ATXN8OS: variants seen among roughly 807,000 people sequenced by gnomAD.
The protein encoded by ATXN8OS is ATXN8 opposite strand lncRNA, also known as ATXN8 opposite strand (non-protein coding).
At chr13:70,122,442 C>A (rs947946122) in intron 2 of ATXN8OS, among the ~76,000 whole-genome samples, 2 of 151,870 alleles carry the variant, frequency 1.3e-5, no homozygotes, top group African/African-American at 4.8e-5. Context: ...CTTATAAATC[C>A]TTGAAAATTA....
At chr13:70,131,434 C>A (rs1447002301) in intron 3 of ATXN8OS, 2 of 398,410 alleles carry the variant, frequency 5.0e-6, no homozygotes, top group Non-Finnish European at 8.8e-6. Context: ...AGGTCTCTAA[C>A]AGGGCCAGCA....
At chr13:70,164,969 A>G in intron 4 of ATXN8OS, among the ~76,000 whole-genome samples, 1 of 152,060 alleles carries the variant, frequency 6.6e-6, no homozygotes, top group East Asian at 1.9e-4. Context: ...AAATCAGAAA[A>G]GTGACACTCT....
intron 4 of ATXN8OS, among the ~76,000 whole-genome samples, chr13:70,160,878 C>T (rs948914671): frequency 8.3e-5 from 12 of 145,268 alleles, no homozygotes; most frequent in African/African-American, 3.0e-4. Context: ...TCAAAATATA[C>T]CTATTTAAGT....
At chr13:70,108,607 G>A (rs1173533465) in intron 1 of ATXN8OS, 1 of 152,174 alleles carries the variant, frequency 6.6e-6, no homozygotes, top group Non-Finnish European at 1.5e-5. Context: ...CCCCTTGCGT[G>A]GGTCTTGTCA....
intron 2 of ATXN8OS, among the ~76,000 whole-genome samples, chr13:70,121,131 G>T (rs938148987): frequency 6.6e-6 from 1 of 151,610 alleles, no homozygotes; most frequent in African/African-American, 2.4e-5. Flanking sequence ...CTAAAGGAGA[G>T]AAAAGATAAA....
chr13:70,127,049 CTCTG>C (rs1566597691), intron 2 of ATXN8OS, among the ~76,000 whole-genome samples: 3 of 151,834 alleles, frequency 2.0e-5, no homozygotes, highest in African/African-American at 7.2e-5. Flanking sequence ...CACTCTATCT[CTCTG>C]TCTCTTTCTC....
intron 3 of ATXN8OS, among the ~76,000 whole-genome samples, chr13:70,134,900 G>A (rs1480789700): frequency 4.6e-5 from 7 of 152,162 alleles, no homozygotes; most frequent in Non-Finnish European, 7.3e-5. Flanking sequence ...CACACCTTGA[G>A]TCTGAAACGG....
intron 4 of ATXN8OS, among the ~76,000 whole-genome samples, chr13:70,161,864 A>AT (rs2137505243): frequency 6.6e-6 from 1 of 152,214 alleles, no homozygotes; most frequent in South Asian, 2.1e-4. Flanking sequence ...ATTGACATCA[A>AT]TTTTTACAAA....
chr13:70,132,232 G>T (rs1276010921), intron 3 of ATXN8OS, among the ~76,000 whole-genome samples: 4 of 151,830 alleles, frequency 2.6e-5, no homozygotes, highest in Non-Finnish European at 5.9e-5. Context: ...GTCCTTCAGT[G>T]GGGGGACTAA....
chr13:70,162,805 T>C (rs752462077), intron 4 of ATXN8OS, among the ~76,000 whole-genome samples: 13 of 152,168 alleles, frequency 8.5e-5, no homozygotes, highest in Non-Finnish European at 1.6e-4. Flanking sequence ...TTATTGTTTC[T>C]CTTCCATGAA....
rs546828084 is a variant in ATXN8OS, at chr13:70,156,235, G to T, written n.573+8807G>T. Reference sequence around the variant, plus strand: ...CTTGAGTGAGCACAGGTGGGTATGGGTGGGTATGAGTGTGTGTGTGTGTGT... The same window carrying T: ...CTTGAGTGAGCACAGGTGGGTATGGTTGGGTATGAGTGTGTGTGTGTGTGT... On this transcript the variant is annotated intron_variant and non_coding_transcript_variant, in intron 4 of 4. Coordinates refer to ENST00000678624, the Ensembl canonical transcript of ATXN8OS. 2.6e-4 allele frequency among the ~76,000 whole-genome samples: 34 copies of T among 128,880 alleles called. No individual in the cohort carries two copies. In the East Asian group the frequency reaches 4.4e-3, roughly 17 times the overall value. The allele number at this position is 128,880 out of a possible 152,430, so 84.6% of individuals were successfully genotyped here. A position where few individuals can be genotyped will look rare whatever the true frequency, so the allele number is the denominator to read the frequency against.
chr13:70,162,390 A>C (rs190253733), intron 4 of ATXN8OS, among the ~76,000 whole-genome samples: 91 of 152,264 alleles, frequency 6.0e-4, no homozygotes, highest in African/African-American at 2.1e-3. Flanking sequence ...GGATACAGGC[A>C]GCCTGAACCA....
At chr13:70,165,585 G>C (rs2059366415) in intron 4 of ATXN8OS, among the ~76,000 whole-genome samples, 1 of 151,906 alleles carries the variant, frequency 6.6e-6, no homozygotes, top group African/African-American at 2.4e-5. Context: ...GGATTCATCA[G>C]TGAATAATTA....
chr13:70,145,021 T>C (rs769608960), intron 3 of ATXN8OS, among the ~76,000 whole-genome samples: 21 of 152,134 alleles, frequency 1.4e-4, no homozygotes, highest in Non-Finnish European at 2.1e-4. Flanking sequence ...TTGAATTAAT[T>C]TTTGTATAAG....
At chr13:70,131,313 G>C in intron 3 of ATXN8OS, 1 of 398,350 alleles carries the variant, frequency 2.5e-6, no homozygotes, top group Non-Finnish European at 4.4e-6. Flanking sequence ...TGCTACAGAT[G>C]TCCCCTAAAT....
At chr13:70,162,303 G>A (rs1019223448) in intron 4 of ATXN8OS, among the ~76,000 whole-genome samples, 4 of 151,920 alleles carry the variant, frequency 2.6e-5, no homozygotes, top group African/African-American at 7.2e-5. Flanking sequence ...AGCACCTCAG[G>A]GCCAGTAACA....
intron 1 of ATXN8OS, among the ~76,000 whole-genome samples, chr13:70,112,682 T>C (rs764267731): frequency 1.1e-4 from 16 of 151,988 alleles, no homozygotes; most frequent in Admixed American, 3.9e-4. Context: ...GGCAATACAT[T>C]TGTATAGTTG....
intron 3 of ATXN8OS, among the ~76,000 whole-genome samples, chr13:70,134,023 C>T (rs1405462515): frequency 3.9e-5 from 6 of 152,068 alleles, no homozygotes; most frequent in Non-Finnish European, 1.5e-5. Flanking sequence ...AGAAAAATAT[C>T]GGGTTGTTGT....
chr13:70,118,841 T>G (rs1468215328), intron 2 of ATXN8OS, among the ~76,000 whole-genome samples: 1 of 151,920 alleles, frequency 6.6e-6, no homozygotes, highest in African/African-American at 2.4e-5. Context: ...TATACTTTTT[T>G]TTTTTTTTGA....
Sources: allele counts gnomAD v4.1 joint callset (sites outside exome capture counted in the v4.1 genomes callset), GRCh38; gene constraint gnomAD v4.1.1; transcripts MANE v1.5; gene names NCBI Gene and HGNC (gene_info 2026-07-23, HGNC 2026-07-21).